The following AP4S1 variants were observed in gnomAD, a reference collection of about 807,000 sequenced individuals.
AP4S1 encodes AP-4 complex subunit sigma-1.
In AP4S1, 23 loss-of-function variants were observed where a neutral mutation model predicts 19.8. The observed-to-expected ratio is 1.16, with a 90% CI of 0.84 to 1.65. AP4S1 has a LOEUF of 1.65. Among genes scored for constraint, AP4S1 ranks in the 40% most tolerant of loss-of-function variants. The pLI is 0.00. For synonymous variants in AP4S1, 46 were observed against 54.1 expected, an observed-to-expected ratio of 0.85 and a Z score of 0.66; for missense variants, 166 against 172.8, an observed-to-expected ratio of 0.96 and a Z score of 0.22.
chr14:31,067,100 A>C (rs1886759478), intron 2 of AP4S1, among the ~76,000 whole-genome samples: 1 of 152,118 alleles, frequency 6.6e-6, no homozygotes, highest in South Asian at 2.1e-4. Flanking sequence ...AGTCCCAGCT[A>C]CTGGGGAGGC....
intron 1 of AP4S1, among the ~76,000 whole-genome samples, chr14:31,029,858 A>G (rs1322738384): frequency 1.3e-5 from 2 of 152,140 alleles, no homozygotes; most frequent in Non-Finnish European, 2.9e-5. Context: ...ACAAAAAAAA[A>G]AAAGAAAATA....
At chr14:31,026,215 G>T (rs1397941495) in intron 1 of AP4S1, 1 of 1,385,980 alleles carries the variant, frequency 7.2e-7, no homozygotes, top group South Asian at 1.6e-5. Context: ...GGGGCGCAGG[G>T]CGAGACGCCG....
At chr14:31,025,568 A>G, upstream of AP4S1, 2 of 370,338 alleles carry the variant, frequency 5.4e-6, no homozygotes, top group Non-Finnish European at 1.0e-5. Flanking sequence ...CCCAAACCGG[A>G]CTCTCCCACA....
chr14:31,048,683 G>A (rs1885557962), intron 1 of AP4S1, among the ~76,000 whole-genome samples: 1 of 152,090 alleles, frequency 6.6e-6, no homozygotes, highest in African/African-American at 2.4e-5. Flanking sequence ...AGTTTACAGT[G>A]AGCCAAGATT....
At chr14:31,039,824 C>G (rs1417477622) in intron 1 of AP4S1, among the ~76,000 whole-genome samples, 1 of 149,210 alleles carries the variant, frequency 6.7e-6, no homozygotes, top group South Asian at 2.1e-4. Context: ...CTCCTGACCT[C>G]GTGATCCGCC....
rs538685241 is a variant in AP4S1, at chr14:31,073,298, G to A, written c.294+325G>A. 254 of 270,122 alleles carry A rather than the reference G, an allele frequency of 9.4e-4. 1 individual carries two copies. The highest frequency in any genetic ancestry group is 1.4e-3 in the Non-Finnish European group (192 of 137,836). 16.7% of individuals were successfully genotyped at this position (270,122 alleles called of 1,614,324 possible). ...AAGGTCAGGAGATGGAGACCATCCT[G>A]GCTAATACGGTGAAACCCCGTCTCT... On this transcript the variant is annotated intron_variant, in intron 4 of 5. Transcript: ENST00000542754.
At chr14:31,054,901 G>A (rs890256986) in intron 1 of AP4S1, among the ~76,000 whole-genome samples, 3 of 133,758 alleles carry the variant, frequency 2.2e-5, no homozygotes, top group East Asian at 4.5e-4. Flanking sequence ...AAAAAACAGT[G>A]ACAGGTCATA....
At position 31,096,378 on chromosome 14, in the gene AP4S1, C is replaced by T. The variant is rs1594724058; in HGVS notation, c.*3343C>T. On this transcript the variant is annotated 3_prime_UTR_variant, in exon 6 of 6. Coordinates refer to ENST00000542754, the MANE Select transcript of AP4S1 (RefSeq NM_001128126.3). ...TTCGCATTCTGTGGTTTGTGTTACT[C>T]ATGGTCAACTGAGGTCCCAAAATAT... is the stretch of plus-strand genomic sequence containing the variant. 1 of 152,250 alleles carries T rather than the reference C, an allele frequency of 6.6e-6. No individual in the cohort carries two copies. Among genetic ancestry groups the T allele is most frequent in the East Asian group, 1.9e-4 (1 of 5,182 alleles). The allele number at this position is 152,250 out of a possible 1,614,324, so 9.4% of individuals were successfully genotyped here.
At chr14:31,088,202 C>G (rs1031126641) in intron 5 of AP4S1, among the ~76,000 whole-genome samples, 3 of 152,190 alleles carry the variant, frequency 2.0e-5, no homozygotes, top group Non-Finnish European at 2.9e-5. Context: ...TGACCACTTT[C>G]CTGTTTCCTT....
At chr14:31,089,511 C>T (rs1482076247) in intron 5 of AP4S1, among the ~76,000 whole-genome samples, 1 of 152,212 alleles carries the variant, frequency 6.6e-6, no homozygotes, top group Non-Finnish European at 1.5e-5. Flanking sequence ...TTTGAGGTTC[C>T]ATTTGAGTCT....
chr14:31,052,527 C>T (rs1056198695), intron 1 of AP4S1, among the ~76,000 whole-genome samples: 15 of 151,886 alleles, frequency 9.9e-5, no homozygotes, highest in African/African-American at 3.6e-4. Context: ...GAGTTCGAGA[C>T]CAGCCTGGCC....
rs1594680386 is a variant in AP4S1 at position 31,066,180 on chromosome 14, C to T, written c.-17C>T. 6.2e-7 allele frequency: 1 copy of T among 1,613,180 alleles called. No individual in the cohort carries two copies. The highest frequency in any genetic ancestry group is 8.5e-7 in the Non-Finnish European group (1 of 1,179,674). On this transcript the variant is annotated 5_prime_UTR_variant, in exon 2 of 6. Coordinates refer to ENST00000542754, the MANE Select transcript of AP4S1 (RefSeq NM_001128126.3). ...CTTTTGAACTGTATTTGGAAAAATA[C>T]TGGCCAGGAAAGAAAAATGATAAAA...
chr14:31,073,291 C>T (rs543835693), intron 4 of AP4S1: 19 of 302,646 alleles, frequency 6.3e-5, no homozygotes, highest in South Asian at 2.8e-4. Context: ...GAGATGGAGA[C>T]CATCCTGGCT....
chr14:31,091,745 C>G (rs1479058494), intron 5 of AP4S1, among the ~76,000 whole-genome samples: 1 of 152,082 alleles, frequency 6.6e-6, no homozygotes, highest in African/African-American at 2.4e-5. Flanking sequence ...TGAAAAAAAT[C>G]AAAGGGAACA....
intron 1 of AP4S1, among the ~76,000 whole-genome samples, chr14:31,037,630 A>G (rs1884857580): frequency 6.6e-6 from 1 of 152,178 alleles, no homozygotes; most frequent in African/African-American, 2.4e-5. Flanking sequence ...ACAGTTGGGC[A>G]GGCTCTTGTC....
intron 1 of AP4S1, among the ~76,000 whole-genome samples, chr14:31,028,400 A>G (rs918735038): frequency 6.6e-6 from 1 of 151,474 alleles, no homozygotes; most frequent in African/African-American, 2.4e-5. Flanking sequence ...CTAGTCTCCA[A>G]CTCCTGGCTC....
intron 1 of AP4S1, among the ~76,000 whole-genome samples, chr14:31,033,601 C>T (rs1371897236): frequency 6.6e-6 from 1 of 152,152 alleles, no homozygotes; most frequent in Non-Finnish European, 1.5e-5. Context: ...GTTCAGAAAC[C>T]AAAGGAGCAA....
intron 1 of AP4S1, among the ~76,000 whole-genome samples, chr14:31,050,012 C>G (rs1885693707): frequency 6.6e-6 from 1 of 152,186 alleles, no homozygotes; most frequent in Non-Finnish European, 1.5e-5. Context: ...ACCTCCACTT[C>G]CCAGGTTCAA....
chr14:31,040,945 G>A (rs1417411979), intron 1 of AP4S1, among the ~76,000 whole-genome samples: 1 of 151,552 alleles, frequency 6.6e-6, no homozygotes, highest in Non-Finnish European at 1.5e-5. Context: ...ATGGTGGCGG[G>A]TGCCTGTAAG....
Sources: gnomAD v4.1 joint callset for allele counts (sites outside exome capture counted in the v4.1 genomes callset) on GRCh38, gnomAD v4.1.1 for gene constraint, MANE v1.5 for transcripts, NCBI Gene and HGNC (gene_info 2026-07-23, HGNC 2026-07-21) for gene names.